KSR1: variants seen among roughly 807,000 people sequenced by gnomAD.
KSR1 encodes kinase suppressor of ras 1.
A neutral mutation model predicts 92.9 loss-of-function variants in KSR1; 35 were observed. The observed-to-expected ratio is 0.38, with a 90% CI of 0.29 to 0.50. The LOEUF is 0.50. KSR1 is among the 20% of genes least tolerant of loss of function. The probability of loss-of-function intolerance (pLI) is 0.94; values close to 1 mark genes in which losing one functional copy is unlikely to be tolerated. For synonymous variants in KSR1, 467 were observed against 472.6 expected, an observed-to-expected ratio of 0.99 and a Z score of 0.15; for missense variants, 972 against 1,158.5, an observed-to-expected ratio of 0.84 and a Z score of 2.34.
Position 27,609,218 on chromosome 17 carries a change from A to G in KSR1, c.2114A>G (p.Lys705Arg). ...IIKGMGYLHAKGIVHKDLKSK... is the reference protein window; with the variant it reads ...IIKGMGYLHARGIVHKDLKSK... ...CAGGGCATGGGATATCTTCATGCCA[A>G]GGGCATCGTACACAAAGATCTCAAA... Residue 705 changes from lysine to arginine, a missense_variant, in exon 16 of 21, where the codon AAG becomes AGG. Physicochemically the swap from Lys to Arg is conservative, Grantham distance 26. Coordinates refer to ENST00000644974, the MANE Select transcript of KSR1 (RefSeq NM_001394583.1). 1 of 1,613,930 alleles carries G rather than the reference A, an allele frequency of 6.2e-7. No individual in the cohort carries two copies. Among genetic ancestry groups the G allele is most frequent in the African/African-American group, 1.3e-5 (1 of 75,040 alleles).
intron 2 of KSR1, among the ~76,000 whole-genome samples, chr17:27,564,370 GTACT>G (rs1217528122): frequency 6.6e-6 from 1 of 152,214 alleles, no homozygotes; most frequent in African/African-American, 2.4e-5. Flanking sequence ...CTCATAGTAA[GTACT>G]TACTTAATCG....
rs904108388 is a variant in KSR1 at position 27,626,297 on chromosome 17, C to T, written c.*2905C>T. On this transcript the variant is annotated 3_prime_UTR_variant, in exon 21 of 21. Coordinates refer to ENST00000644974, the MANE Select transcript of KSR1 (RefSeq NM_001394583.1). ...CTATCAACTACATTTGTCTTCCAGA[C>T]ATGCTATTAATTTAAATTAAAATGG... is the stretch of plus-strand genomic sequence containing the variant. 6.6e-6 allele frequency: 1 copy of T among 152,256 alleles called. No individual in the cohort carries two copies. The highest frequency in any genetic ancestry group is 2.4e-5 in the African/African-American group (1 of 41,460). The allele number at this position is 152,256 out of a possible 1,614,324, so 9.4% of individuals were successfully genotyped here. A position where few individuals can be genotyped will look rare whatever the true frequency, so the allele number is the denominator to read the frequency against.
intron 1 of KSR1, among the ~76,000 whole-genome samples, chr17:27,493,865 A>G (rs1354250430): frequency 2.0e-5 from 3 of 152,116 alleles, no homozygotes; most frequent in Non-Finnish European, 4.4e-5. Flanking sequence ...TAAAAAGCAA[A>G]ACAACCTCTG....
chr17:27,574,544 C>T (rs907255094), intron 2 of KSR1, among the ~76,000 whole-genome samples: 12 of 152,152 alleles, frequency 7.9e-5, no homozygotes, highest in African/African-American at 2.2e-4. Context: ...CTGCCGTCAG[C>T]GGGTACAGTA....
At chr17:27,621,927 A>T (rs1463148474) in intron 20 of KSR1, 1 of 1,613,602 alleles carries the variant, frequency 6.2e-7, no homozygotes, top group Admixed American at 1.7e-5. Context: ...TTCCCTCTGT[A>T]GGTTGTAGGC....
At position 27,582,743 on chromosome 17, in the gene KSR1, G is replaced by A. The variant is rs750441214; in HGVS notation, c.618G>A (p.Leu206=). ...CGGACACCCTCTCAGCAGCCAGCCTGCCCTGGCCCCCAGGGAGCTCCCAGC... is the reference window on the plus strand; with the variant it reads ...CGGACACCCTCTCAGCAGCCAGCCTACCCTGGCCCCCAGGGAGCTCCCAGC... ...PSTDTLSAAS[L]PWPPGSSQLG... The change falls in exon 4 of 21, where the codon CTG becomes CTA. Residue 206 remains leucine, a synonymous_variant. Coordinates refer to ENST00000644974, the MANE Select transcript of KSR1 (RefSeq NM_001394583.1). 1.9e-6 allele frequency: 3 copies of A among 1,613,748 alleles called. No homozygotes were observed. In the Admixed American group the frequency reaches 5.0e-5, roughly 27 times the overall value.
At chr17:27,550,368 T>C (rs1401324095) in intron 1 of KSR1, among the ~76,000 whole-genome samples, 200 bp from the exon 2 acceptor site, 1 of 152,162 alleles carries the variant, frequency 6.6e-6, no homozygotes, top group Non-Finnish European at 1.5e-5. Context: ...AGGGGGCTCA[T>C]GGGTGGCCAC....
chr17:27,567,203 C>T (rs1335609837), intron 2 of KSR1, among the ~76,000 whole-genome samples: 2 of 152,112 alleles, frequency 1.3e-5, no homozygotes, highest in Non-Finnish European at 2.9e-5. Context: ...TGTAAGAATC[C>T]ATGTGCCATG....
chr17:27,593,564 G>C (rs959549184), intron 9 of KSR1, among the ~76,000 whole-genome samples: 1 of 152,208 alleles, frequency 6.6e-6, no homozygotes, highest in Non-Finnish European at 1.5e-5. Flanking sequence ...AGCTTCAGTG[G>C]CTGCTCTGAG....
At chr17:27,541,859 T>C (rs2070979059) in intron 1 of KSR1, among the ~76,000 whole-genome samples, 2 of 152,198 alleles carry the variant, frequency 1.3e-5, no homozygotes, top group Non-Finnish European at 2.9e-5. Flanking sequence ...CAGTGACTTG[T>C]CATTTGGCTG....
rs375029816 is a variant in KSR1, at chr17:27,592,526, G to A, written c.1199G>A (p.Arg400Gln). Residue 400 changes from arginine (R) to glutamine (Q), a missense_variant, in exon 9 of 21, where the codon CGG (arginine) becomes CAG (glutamine). Physicochemically the swap from Arg to Gln is conservative, Grantham distance 43. Transcript: ENST00000644974. ...ACRISFLPLT[R>Q]LRRTESVPSD... ...TTTCCCTCTTTTCAAACAGTAACTC[G>A]GCTTCGGAGGACAGAATCTGTCCCC... 9.3e-6 allele frequency: 15 copies of A among 1,613,748 alleles called. No homozygotes were observed. The highest frequency in any genetic ancestry group is 6.6e-5 in the South Asian group (6 of 91,082).
At chr17:27,595,198 G>A (rs1322145077) in intron 9 of KSR1, among the ~76,000 whole-genome samples, 1 of 152,204 alleles carries the variant, frequency 6.6e-6, no homozygotes, top group African/African-American at 2.4e-5. Context: ...CACCCCCAGG[G>A]GAATTGATGT....
chr17:27,522,758 C>T (rs1298362574), intron 1 of KSR1, among the ~76,000 whole-genome samples: 1 of 152,208 alleles, frequency 6.6e-6, no homozygotes, highest in Non-Finnish European at 1.5e-5. Context: ...CTCTGTCTTG[C>T]AAGAGGAGAC....
chr17:27,521,801 C>T (rs1490283773), intron 1 of KSR1, among the ~76,000 whole-genome samples: 3 of 152,202 alleles, frequency 2.0e-5, no homozygotes, highest in African/African-American at 7.2e-5. Flanking sequence ...GCTCCCAAAG[C>T]ACCACCTGTT....
intron 1 of KSR1, among the ~76,000 whole-genome samples, chr17:27,457,156 C>A (rs1315345300): frequency 6.6e-6 from 1 of 152,126 alleles, no homozygotes; most frequent in Non-Finnish European, 1.5e-5. Flanking sequence ...CCCTTCTCCG[C>A]CCCCACCCCA....
intron 14 of KSR1, 141 bp downstream of exon 14, chr17:27,605,954 TC>T (rs1259997457): frequency 1.0e-6 from 1 of 989,710 alleles, no homozygotes; most frequent in Admixed American, 2.8e-5. Context: ...GGGTATAACT[TC>T]CTAATCACAT....
At chr17:27,472,324 A>G (rs937567431) in intron 1 of KSR1, among the ~76,000 whole-genome samples, 2 of 152,220 alleles carry the variant, frequency 1.3e-5, no homozygotes, top group East Asian at 1.9e-4. Flanking sequence ...GTGTACTCAC[A>G]TAGCGAGGTG....
At chr17:27,584,128 G>A in intron 4 of KSR1, 1 of 308,496 alleles carries the variant, frequency 3.2e-6, no homozygotes, top group Non-Finnish European at 4.7e-6. Flanking sequence ...TTCCTTGGGT[G>A]CCTCTTACCT....
In KSR1 at chr17:27,537,728, G is replaced by A. The variant is rs151045754; in HGVS notation, c.232-12840G>A. On this transcript the variant is annotated intron_variant, in intron 1 of 20. Coordinates refer to ENST00000644974, the MANE Select transcript of KSR1 (RefSeq NM_001394583.1). ...AAACAATAAAATAAAAATACCTATC[G>A]GGATTCATGTAGGTATTAGGTGAGA... is the stretch of plus-strand genomic sequence containing the variant. Among the ~76,000 whole-genome samples, 362 of 152,152 alleles carry A rather than the reference G, an allele frequency of 2.4e-3. 1 individual carries two copies. The highest frequency in any genetic ancestry group is 7.3e-3 in the African/African-American group (303 of 41,496).
Sources: gnomAD v4.1 joint callset for allele counts (sites outside exome capture counted in the v4.1 genomes callset) on GRCh38, gnomAD v4.1.1 for gene constraint, MANE v1.5 for transcripts, NCBI Gene and HGNC (gene_info 2026-07-23, HGNC 2026-07-21) for gene names.